The following DENND4C variants were observed in gnomAD, a reference collection of about 807,000 sequenced individuals.
The protein encoded by DENND4C is DENN domain containing 4C.
A neutral mutation model predicts 203.0 loss-of-function variants in DENND4C; 108 were observed. The ratio of observed to expected loss-of-function variants is 0.53; its 90% confidence interval spans 0.46 to 0.62. The LOEUF is 0.62. Among genes scored for constraint, DENND4C ranks in the 20% least tolerant of loss-of-function variants. The probability of loss-of-function intolerance (pLI) is 0.00; values close to 1 mark genes in which losing one functional copy is unlikely to be tolerated. For synonymous variants in DENND4C, 871 were observed against 792.4 expected (o/e 1.10, Z -1.67); for missense variants, 2,481 against 2,301.2 (o/e 1.08, Z -1.60).
At chr9:19,283,610 C>CT (rs553611899) in intron 2 of DENND4C, among the ~76,000 whole-genome samples, 3,720 of 116,576 alleles carry the variant, frequency 0.032, 223 homozygotes, top group African/African-American at 0.099. Context: ...TTTTTTCTTT[C>CT]TTTTTTTTTT....
intron 1 of DENND4C, among the ~76,000 whole-genome samples, chr9:19,260,486 C>T (rs1008108032): frequency 9.2e-5 from 14 of 152,014 alleles, no homozygotes; most frequent in African/African-American, 3.4e-4. Context: ...CAACCTCCAC[C>T]TCCTGGGTTC....
intron 27 of DENND4C, 44 bp from the exon 28 acceptor site, chr9:19,357,921 T>C (rs761289628): frequency 1.4e-6 from 2 of 1,466,480 alleles, no homozygotes; most frequent in Non-Finnish European, 1.8e-6. Context: ...ATTTAGACTG[T>C]TTTTCAACAT....
intron 8 of DENND4C, among the ~76,000 whole-genome samples, chr9:19,299,745 G>A (rs561192374): frequency 2.4e-4 from 36 of 152,242 alleles, no homozygotes; most frequent in Non-Finnish European, 4.6e-4. Flanking sequence ...TGTAGCCAGT[G>A]TGTCCTTTTG....
chr9:19,358,102 A>G lies in DENND4C; in HGVS notation c.5102A>G (p.Gln1701Arg), dbSNP rs764769068. The G allele has an allele frequency of 1.2e-6, 2 of 1,613,952 alleles. No individual in the cohort carries two copies. The highest frequency in any genetic ancestry group is 4.5e-5 in the East Asian group (2 of 44,864). Residue 1701 changes from glutamine (Q) to arginine (R), a missense_variant, in exon 28 of 33, where the codon CAG becomes CGG. Around this residue, in one of 3 missense-constraint regions of DENND4C, gnomAD observed 2,289 missense variants for 2,113.3 expected, o/e 1.08. Transcript: ENST00000434457. The surrounding 1 kb of genome is among the most constrained non-coding windows in gnomAD (Gnocchi z 4.8). ...CCATTGCAGAATATTGACTTTACCC[A>G]GCGACCGTTTCATGGCATCTCAACA... Reference protein sequence around the residue: ...GGPLQNIDFTQRPFHGISTVS... With the variant: ...GGPLQNIDFTRRPFHGISTVS...
intron 13 of DENND4C, 95 bp from the exon 14 acceptor site, chr9:19,325,844 G>A (rs1032779348): frequency 2.2e-5 from 26 of 1,162,692 alleles, no homozygotes; most frequent in Non-Finnish European, 2.8e-5. Context: ...GTACTGAAAA[G>A]GGGTAGTTTT....
At chr9:19,345,453 C>T (rs184987983) in intron 22 of DENND4C, among the ~76,000 whole-genome samples, 98 of 152,308 alleles carry the variant, frequency 6.4e-4, no homozygotes, top group Middle Eastern at 3.4e-3. Flanking sequence ...TTTGCCAGTG[C>T]TAAGCATTCC....
chr9:19,286,862 A>C lies in DENND4C; in HGVS notation c.399A>C (p.Ser133=). 8.1e-7 allele frequency: 1 copy of C among 1,232,136 alleles called. No individual in the cohort carries two copies. Among genetic ancestry groups the C allele is most frequent in the Non-Finnish European group, 1.0e-6 (1 of 987,956 alleles). 76.3% of individuals were successfully genotyped at this position (1,232,136 alleles called of 1,614,324 possible). The change falls in exon 3 of 33, where the codon TCA becomes TCC. Residue 133 remains serine, a synonymous_variant. Coordinates refer to ENST00000434457, the MANE Select transcript of DENND4C (RefSeq NM_001330640.2). ...YGRCANVNNS[S]TTSQRIFITY... is the part of the protein sequence containing the mutation. ...GCTGTGCCAATGTCAACAATAGTTC[A>C]ACTACTTCACAAAGAATCTTTATCA...
At chr9:19,360,102 A>C in intron 28 of DENND4C, 142 bp from the exon 29 acceptor site, 1 of 804,894 alleles carries the variant, frequency 1.2e-6, no homozygotes, top group Non-Finnish European at 1.9e-6. Flanking sequence ...GTTTTCATTC[A>C]TTAGCATATT....
chr9:19,322,597 G>A (rs751636580), intron 12 of DENND4C, among the ~76,000 whole-genome samples: 4 of 151,820 alleles, frequency 2.6e-5, no homozygotes, highest in Non-Finnish European at 4.4e-5. Flanking sequence ...TTAGCCAGGC[G>A]TGGTGGCGGG....
chr9:19,279,691 A>AG (rs907166832), intron 2 of DENND4C, among the ~76,000 whole-genome samples: 18 of 151,334 alleles, frequency 1.2e-4, no homozygotes, highest in East Asian at 7.9e-4. Context: ...CAAAAAAAAA[A>AG]AAAAAATTAG....
chr9:19,330,510 T>C (rs1319116627), intron 16 of DENND4C, among the ~76,000 whole-genome samples: 1 of 151,856 alleles, frequency 6.6e-6, no homozygotes, highest in East Asian at 1.9e-4. Flanking sequence ...CAACTAATTT[T>C]TGTATTTTTA....
rs949769656 is a variant in DENND4C, at chr9:19,373,620, A to G, written c.*1447A>G. The G allele has an allele frequency of 2.0e-5, 3 of 152,776 alleles. No individual in the cohort carries two copies. Among genetic ancestry groups the G allele is most frequent in the Non-Finnish European group, 4.4e-5 (3 of 68,026 alleles). 9.5% of individuals were successfully genotyped at this position (152,776 alleles called of 1,614,324 possible). ...TAAGCTTGTTGCCAGTAGGTTTAAGAAAATCATGATCTCACATGCCTCACT... is the reference window on the plus strand; with the variant it reads ...TAAGCTTGTTGCCAGTAGGTTTAAGGAAATCATGATCTCACATGCCTCACT... On this transcript the variant is annotated 3_prime_UTR_variant, in exon 33 of 33. Transcript: ENST00000434457.
intron 2 of DENND4C, among the ~76,000 whole-genome samples, chr9:19,286,466 T>G (rs942574255): frequency 1.3e-5 from 2 of 152,196 alleles, no homozygotes; most frequent in South Asian, 4.1e-4. Context: ...GTGTTGCCCC[T>G]TTCTTTTTTC....
At chr9:19,302,267 A>G (rs1456187159) in intron 9 of DENND4C, among the ~76,000 whole-genome samples, 1 of 152,228 alleles carries the variant, frequency 6.6e-6, no homozygotes, top group Non-Finnish European at 1.5e-5. Flanking sequence ...TTTAAATATC[A>G]AAGAATATCA....
At position 19,272,501 on chromosome 9, in the gene DENND4C, C is replaced by T. The variant is rs891378780; in HGVS notation, c.-17-3657C>T. ...CTACTGGACTTAAGCAATCCTCCCT[C>T]CCACCTCGGCCTCCCAAAGTGCTGG... On this transcript the variant is annotated intron_variant, in intron 1 of 32. Transcript: ENST00000434457. Among the ~76,000 whole-genome samples, 3 of 152,042 alleles carry T rather than the reference C, an allele frequency of 2.0e-5. No individual in the cohort carries two copies. In the East Asian group the frequency reaches 5.8e-4, roughly 29 times the overall value.
At chr9:19,301,547 A>G (rs138697710) in intron 9 of DENND4C, among the ~76,000 whole-genome samples, 127 of 152,348 alleles carry the variant, frequency 8.3e-4, no homozygotes, top group African/African-American at 3.0e-3. Flanking sequence ...GAGGATCCTC[A>G]TTAAGTATTA....
In DENND4C at chr9:19,347,011, T is replaced by A. The variant is rs890252327; in HGVS notation, c.4242T>A (p.Gly1414=). ...SGPKIDVLKS[G]MKQAATVASK... ...CCAAGATAGATGTCCTGAAATCTGG[T>A]ATGAAACAAGCAGCGACAGTAGCCA... The change falls in exon 23 of 33, where the codon GGT becomes GGA. Residue 1414 remains glycine (G), a synonymous_variant. Transcript: ENST00000434457. 6.2e-7 allele frequency: 1 copy of A among 1,614,028 alleles called. No homozygotes were observed. Among genetic ancestry groups the A allele is most frequent in the African/African-American group, 1.3e-5 (1 of 74,908 alleles).
chr9:19,361,004 G>T (rs1405822889), intron 29 of DENND4C, among the ~76,000 whole-genome samples: 1 of 152,090 alleles, frequency 6.6e-6, no homozygotes, highest in Non-Finnish European at 1.5e-5. Context: ...CTCCCGAGTA[G>T]CTGGGATTAC....
intron 1 of DENND4C, among the ~76,000 whole-genome samples, chr9:19,244,537 G>A (rs143236632): frequency 2.6e-5 from 4 of 151,218 alleles, no homozygotes; most frequent in Non-Finnish European, 5.9e-5. Flanking sequence ...TCAAGAGATC[G>A]AGACCATCCT....
Sources: gnomAD v4.1 joint callset for allele counts (sites outside exome capture counted in the v4.1 genomes callset) on GRCh38, gnomAD v4.1.1 for gene constraint, gnomAD v4.1.1 regional missense constraint, Gnocchi (gnomAD v3.1) non-coding constraint, MANE v1.5 for transcripts, NCBI Gene and HGNC (gene_info 2026-07-23, HGNC 2026-07-21) for gene names.